The following DCT variants were observed in gnomAD, a reference collection of about 807,000 sequenced individuals.
The protein encoded by DCT is dopachrome tautomerase.
In DCT, 47 loss-of-function variants were observed where a neutral mutation model predicts 53.0. The ratio of observed to expected loss-of-function variants is 0.89; its 90% CI spans 0.70 to 1.13. DCT has a LOEUF of 1.13. Among genes scored for constraint, DCT ranks in the 50% most tolerant of loss-of-function variants. The probability of loss-of-function intolerance (pLI) is 0.00; values close to 1 mark genes in which losing one functional copy is unlikely to be tolerated. For synonymous variants in DCT, 244 were observed against 237.0 expected (o/e 1.03, Z -0.27); for missense variants, 669 against 637.4 (o/e 1.05, Z -0.53).
intron 6 of DCT, among the ~76,000 whole-genome samples, chr13:94,453,673 G>A (rs1883237241): frequency 1.3e-5 from 2 of 152,110 alleles, no homozygotes. Flanking sequence ...ATGGGGGTGG[G>A]TCTTTCCCAT....
Position 94,440,068 on chromosome 13 carries a change from C to G in DCT, c.1390G>C (p.Glu464Gln). ...GTTGTGGGCCAACCTGGAGTTTCTT[C>G]AACTGAAACTAAAGCAGAAGAGAAG... ...SYAIDLPVSV[E>Q]ETPGWPTTLL... The change falls in exon 8 of 8, where the codon GAA becomes CAA. Residue 464 changes from glutamate to glutamine, a missense_variant. Coordinates refer to ENST00000377028, the MANE Select transcript of DCT (RefSeq NM_001922.5). 1.9e-6 allele frequency: 3 copies of G among 1,613,160 alleles called. No homozygotes were observed. The highest frequency in any genetic ancestry group is 2.5e-6 in the Non-Finnish European group (3 of 1,179,422).
chr13:94,508,433 T>G, the DCT span, among the ~76,000 whole-genome samples: 2 of 152,196 alleles, frequency 1.3e-5, no homozygotes, highest in South Asian at 4.1e-4. Flanking sequence ...TTATGTCTTT[T>G]CAATCAGTTT....
chr13:94,437,328 TTA>T lies in DCT; in HGVS notation c.*2568_*2569del, dbSNP rs1306951509. ...ATAATCTGCAAAACAACATTTATTT[TTA>T]GTTTCCTTTTTAGTAAGTTTTCTAC... On this transcript the variant is annotated 3_prime_UTR_variant, in exon 8 of 8. Coordinates refer to ENST00000377028, the MANE Select transcript of DCT (RefSeq NM_001922.5). 1 of 152,208 alleles carries T rather than the reference TTA, an allele frequency of 6.6e-6. No individual in the cohort carries two copies. Among genetic ancestry groups the T allele is most frequent in the East Asian group, 1.9e-4 (1 of 5,200 alleles). 9.4% of individuals were successfully genotyped at this position (152,208 alleles called of 1,614,324 possible).
intron 4 of DCT, chr13:94,465,422 C>T (rs61964069): frequency 0.21 from 63,028 of 294,616 alleles, 6,110 homozygotes; most frequent in African/African-American, 0.26. Context: ...CCAAGCATAA[C>T]CAATTCACAA....
the DCT span, among the ~76,000 whole-genome samples, chr13:94,509,007 T>C: frequency 2.0e-5 from 3 of 152,164 alleles, no homozygotes; most frequent in South Asian, 6.2e-4. Flanking sequence ...AGAGGTCAGT[T>C]TCCAAGCCAC....
At chr13:94,457,242 C>T (rs1236102738) in intron 6 of DCT, among the ~76,000 whole-genome samples, 2 of 152,176 alleles carry the variant, frequency 1.3e-5, no homozygotes, top group African/African-American at 2.4e-5. Flanking sequence ...GTGTTGAAGC[C>T]CTAACCCACA....
At chr13:94,524,621 G>A in the DCT span, among the ~76,000 whole-genome samples, 13 of 152,264 alleles carry the variant, frequency 8.5e-5, no homozygotes, top group South Asian at 2.1e-4. Context: ...CATTTTGTGC[G>A]CATGTGCAGA....
the DCT span, among the ~76,000 whole-genome samples, chr13:94,486,926 G>A: frequency 6.6e-6 from 1 of 152,136 alleles, no homozygotes; most frequent in African/African-American, 2.4e-5. Context: ...ACACATTTCT[G>A]TGTAAGTGCA....
chr13:94,443,332 A>G, intron 7 of DCT, 104 bp downstream of exon 7: 1 of 915,280 alleles, frequency 1.1e-6, no homozygotes, highest in South Asian at 1.6e-5. Context: ...TAGACCTGAA[A>G]GCTTCGGCTA....
chr13:94,514,063 C>T, the DCT span, among the ~76,000 whole-genome samples: 18 of 148,124 alleles, frequency 1.2e-4, no homozygotes, highest in South Asian at 4.4e-4. Context: ...CAGGGATTGG[C>T]GACGGGGCAA....
At position 94,458,397 on chromosome 13, in the gene DCT, C is replaced by G. The variant is rs75352108; in HGVS notation, c.1179+1694G>C. On this transcript the variant is annotated intron_variant, in intron 6 of 7. Transcript: ENST00000377028. Reference sequence around the variant, plus strand: ...CCAATGTATTCAACTACATTGTGTTCCTAGAGGTCACAGACTGAAGAGCAT... The same window carrying G: ...CCAATGTATTCAACTACATTGTGTTGCTAGAGGTCACAGACTGAAGAGCAT... Among the ~76,000 whole-genome samples the G allele has an allele frequency of 8.2e-3, 1,252 of 152,262 alleles. 21 individuals are homozygous for G. The highest frequency in any genetic ancestry group is 0.028 in the African/African-American group (1,159 of 41,548).
chr13:94,503,519 G>A, the DCT span, among the ~76,000 whole-genome samples: 2 of 152,160 alleles, frequency 1.3e-5, no homozygotes, highest in African/African-American at 4.8e-5. Context: ...CCTGGATTTA[G>A]GGTGGGCACA....
At chr13:94,473,222 C>T (rs542260054) in intron 1 of DCT, among the ~76,000 whole-genome samples, 12 of 152,214 alleles carry the variant, frequency 7.9e-5, no homozygotes, top group East Asian at 1.9e-4. Flanking sequence ...AACTCTACTT[C>T]GAATATCCAT....
At chr13:94,515,752 C>T in the DCT span, among the ~76,000 whole-genome samples, 1 of 152,192 alleles carries the variant, frequency 6.6e-6, no homozygotes, top group African/African-American at 2.4e-5. Flanking sequence ...CAAGAAGCCA[C>T]TGCAGCTGTC....
At chr13:94,486,743 T>C in the DCT span, among the ~76,000 whole-genome samples, 1 of 152,210 alleles carries the variant, frequency 6.6e-6, no homozygotes, top group Non-Finnish European at 1.5e-5. Context: ...TTATGAAGCT[T>C]GGAGCCAAAT....
At chr13:94,452,745 G>A in intron 6 of DCT, 1 of 628,638 alleles carries the variant, frequency 1.6e-6, no homozygotes, top group Non-Finnish European at 2.8e-6. Flanking sequence ...CCATGCAAAA[G>A]AATACTATAC....
the DCT span, among the ~76,000 whole-genome samples, chr13:94,503,203 A>T: frequency 1.3e-5 from 2 of 151,828 alleles, no homozygotes; most frequent in African/African-American, 4.8e-5. Context: ...CATAGCAAAA[A>T]CCCCATCTCT....
chr13:94,490,529 A>AAAAC, the DCT span, among the ~76,000 whole-genome samples: 1 of 148,822 alleles, frequency 6.7e-6, no homozygotes, highest in South Asian at 2.1e-4. Context: ...AAAAAAAAAA[A>AAAAC]AACAACTAAC....
the DCT span, among the ~76,000 whole-genome samples, chr13:94,522,688 T>G: frequency 1.3e-5 from 2 of 152,246 alleles, no homozygotes; most frequent in African/African-American, 4.8e-5. Flanking sequence ...CAGGGTATGT[T>G]GACACACATG....
Sources: gnomAD v4.1 joint callset for allele counts (sites outside exome capture counted in the v4.1 genomes callset) on GRCh38, gnomAD v4.1.1 for gene constraint, MANE v1.5 for transcripts, NCBI Gene and HGNC (gene_info 2026-07-23, HGNC 2026-07-21) for gene names.